SYMPK: variants seen among roughly 807,000 people sequenced by gnomAD.
SYMPK encodes symplekin.
SYMPK carries 49 observed loss-of-function variants against 136.4 expected under a neutral mutation model. The ratio of observed to expected loss-of-function variants is 0.36; its 90% CI spans 0.29 to 0.46. The LOEUF is 0.46. SYMPK is among the 20% of genes least tolerant of loss of function. The probability of loss-of-function intolerance (pLI) is 1.00; values close to 1 mark genes in which losing one functional copy is unlikely to be tolerated. For synonymous variants in SYMPK, 766 were observed against 713.0 expected (o/e 1.07, Z -1.19); for missense variants, 1,365 against 1,690.0 (o/e 0.81, Z 3.37).
intron 18 of SYMPK, 52 bp from the exon 19 acceptor site, chr19:45,823,927 G>A (rs7252416): frequency 1.3e-6 from 2 of 1,518,142 alleles, no homozygotes; most frequent in South Asian, 2.3e-5. Context: ...TTAGGGGAGG[G>A]TCAGGTGTTG....
intron 10 of SYMPK, among the ~76,000 whole-genome samples, chr19:45,836,217 G>A (rs1238751085): frequency 6.6e-6 from 1 of 151,688 alleles, no homozygotes; most frequent in Admixed American, 6.6e-5. Context: ...AAGTAGCGGG[G>A]ATTACAGGTG....
intron 1 of SYMPK, among the ~76,000 whole-genome samples, chr19:45,857,842 A>G (rs1971870633): frequency 1.4e-5 from 2 of 144,540 alleles, no homozygotes; most frequent in Non-Finnish European, 3.0e-5. Context: ...CTTGTTTCCC[A>G]GGCTGGAGTG....
intron 7 of SYMPK, among the ~76,000 whole-genome samples, chr19:45,845,642 T>C (rs1483773114): frequency 1.3e-5 from 2 of 152,248 alleles, no homozygotes; most frequent in Non-Finnish European, 2.9e-5. Context: ...CTATTCTGAC[T>C]AGTGCTGCAA....
chr19:45,823,421 C>T lies in SYMPK; in HGVS notation c.2651G>A (p.Arg884Gln). 2.5e-6 allele frequency: 4 copies of T among 1,614,024 alleles called. No homozygotes were observed. The highest frequency in any genetic ancestry group is 3.4e-6 in the Non-Finnish European group (4 of 1,180,022). Residue 884 changes from arginine to glutamine, a missense_variant, in exon 20 of 27, where the codon CGA becomes CAA. Transcript: ENST00000245934. Reference sequence around the variant, plus strand: ...GATGAGGAAGCGGACGTCTGGCAGTCGCTTGTGGTAGAGATCCCGGACCCG... The same window carrying T: ...GATGAGGAAGCGGACGTCTGGCAGTTGCTTGTGGTAGAGATCCCGGACCCG... ...VKRVRDLYHK[R>Q]LPDVRFLIPV...
chr19:45,825,891 C>G (rs1391723742), intron 17 of SYMPK, among the ~76,000 whole-genome samples: 1 of 152,226 alleles, frequency 6.6e-6, no homozygotes, highest in Non-Finnish European at 1.5e-5. Context: ...TGGCCCAAGC[C>G]TTCCCATTTA....
intron 1 of SYMPK, among the ~76,000 whole-genome samples, chr19:45,859,938 C>T (rs557026012): frequency 1.7e-5 from 2 of 114,422 alleles, no homozygotes; most frequent in Admixed American, 1.2e-4. Flanking sequence ...CTGGGAGACA[C>T]GGTAAGACTC....
rs1600498373 is a variant in SYMPK at position 45,826,065 on chromosome 19, T to A, written c.2329+161A>T. On this transcript the variant is annotated intron_variant, in intron 17 of 26. Transcript: ENST00000245934. ...CCCTGACCCCCCAGGCTGGGCCAGA[T>A]GCCCCCTACCCTGACTCCCACAGCC... 3.9e-5 allele frequency among the ~76,000 whole-genome samples: 6 copies of A among 152,246 alleles called. No homozygotes were observed. In the South Asian group the frequency reaches 1.2e-3, roughly 32 times the overall value.
intron 5 of SYMPK, among the ~76,000 whole-genome samples, chr19:45,850,503 G>T (rs1421514314): frequency 2.0e-5 from 3 of 152,156 alleles, no homozygotes; most frequent in African/African-American, 7.2e-5. Flanking sequence ...ATGAGCAAGT[G>T]ACCAGCTTGA....
chr19:45,818,274 C>A, intron 22 of SYMPK, 128 bp from the exon 23 acceptor site: 8 of 979,174 alleles, frequency 8.2e-6, no homozygotes, highest in East Asian at 2.8e-5. Flanking sequence ...AAAGCCCCTG[C>A]GGGAGAGAGG....
At chr19:45,856,816 C>T (rs1437970015) in intron 1 of SYMPK, among the ~76,000 whole-genome samples, 1 of 151,366 alleles carries the variant, frequency 6.6e-6, no homozygotes, top group Admixed American at 6.6e-5. Context: ...AGAGCAACAC[C>T]CTGTCTCAGA....
intron 7 of SYMPK, among the ~76,000 whole-genome samples, chr19:45,847,021 T>C (rs1971579370): frequency 6.6e-6 from 1 of 151,900 alleles, no homozygotes; most frequent in Non-Finnish European, 1.5e-5. Context: ...CTCGAACTCC[T>C]GACCCCAAGT....
Position 45,838,616 on chromosome 19 carries a change from C to T in SYMPK, c.1088-1G>A. On this transcript the variant is annotated splice_acceptor_variant, in intron 9 of 26. Transcript: ENST00000245934. LOFTEE classifies it high-confidence loss of function. ...TCATCGTCCTCCCCCAGGTTGGGCTCTGGGATGAGGGAAAAGAACAAGATG... is the reference window on the plus strand; with the variant it reads ...TCATCGTCCTCCCCCAGGTTGGGCTTTGGGATGAGGGAAAAGAACAAGATG... The T allele has an allele frequency of 6.2e-7, 1 of 1,612,904 alleles. No individual in the cohort carries two copies. Among genetic ancestry groups the T allele is most frequent in the Non-Finnish European group, 8.5e-7 (1 of 1,179,136 alleles).
chr19:45,837,392 C>T (rs1255980663), intron 10 of SYMPK, among the ~76,000 whole-genome samples: 4 of 151,870 alleles, frequency 2.6e-5, no homozygotes, highest in East Asian at 1.9e-4. Flanking sequence ...CCATGGTGGG[C>T]GGATCACCAG....
intron 9 of SYMPK, among the ~76,000 whole-genome samples, chr19:45,840,451 G>A (rs1212626735): frequency 1.3e-5 from 2 of 152,010 alleles, no homozygotes; most frequent in South Asian, 2.1e-4. Flanking sequence ...ATCACTTGAG[G>A]TCAGGAGTTC....
intron 1 of SYMPK, among the ~76,000 whole-genome samples, chr19:45,861,380 C>CA (rs374805738): frequency 2.7e-5 from 4 of 150,776 alleles, no homozygotes; most frequent in East Asian, 1.9e-4. Flanking sequence ...AGATTTTATG[C>CA]AAAAAAAGGA....
At chr19:45,852,914 T>G (rs1971730723) in intron 3 of SYMPK, among the ~76,000 whole-genome samples, 1 of 152,178 alleles carries the variant, frequency 6.6e-6, no homozygotes, top group Non-Finnish European at 1.5e-5. Context: ...CCATCAGTTC[T>G]CCCCACTCTC....
chr19:45,847,786 G>A lies in SYMPK; in HGVS notation c.642C>T (p.Asp214=). 2 of 1,614,056 alleles carry A rather than the reference G, an allele frequency of 1.2e-6. No individual in the cohort carries two copies. The highest frequency in any genetic ancestry group is 1.1e-5 in the South Asian group (1 of 91,074). ...TGTAGGGGTGGTCACGAGGGATGCG[G>A]TCCAGGCTGATATCATGCTCCTGGC... ...PRRQEHDISL[D]RIPRDHPYIQ... Residue 214 remains aspartate (D), a synonymous_variant, in exon 7 of 27, where the codon GAC becomes GAT. Coordinates refer to ENST00000245934, the MANE Select transcript of SYMPK (RefSeq NM_004819.3).
At chr19:45,829,627 C>A (rs762594583) in intron 13 of SYMPK, among the ~76,000 whole-genome samples, 4 of 152,138 alleles carry the variant, frequency 2.6e-5, no homozygotes, top group Non-Finnish European at 5.9e-5. Flanking sequence ...CAACAATTAA[C>A]TTCACAGAAT....
chr19:45,851,541 G>A (rs746388967), intron 5 of SYMPK, among the ~76,000 whole-genome samples: 1 of 149,470 alleles, frequency 6.7e-6, no homozygotes, highest in Non-Finnish European at 1.5e-5. Flanking sequence ...TTGCGCCACT[G>A]TACTCCAGCC....
Sources: allele counts gnomAD v4.1 joint callset (sites outside exome capture counted in the v4.1 genomes callset), GRCh38; gene constraint gnomAD v4.1.1; transcripts MANE v1.5; gene names NCBI Gene and HGNC (gene_info 2026-07-23, HGNC 2026-07-21).